FAM135A: variants seen among roughly 807,000 people sequenced by gnomAD.
FAM135A encodes the protein family with sequence similarity 135 member A.
FAM135A carries 79 observed loss-of-function variants against 146.8 expected under a neutral mutation model. That is an observed-to-expected ratio of 0.54 (90% CI 0.45 to 0.65). FAM135A has a LOEUF of 0.65. Ranked by LOEUF, FAM135A falls within the 30% of genes least tolerant of loss-of-function variation. The probability of loss-of-function intolerance (pLI) is 0.00; values close to 1 mark genes in which losing one functional copy is unlikely to be tolerated. For missense variants in FAM135A, 1,623 were observed against 1,758.2 expected, an observed-to-expected ratio of 0.92 and a Z score of 1.38; for synonymous variants, 562 against 603.6, an observed-to-expected ratio of 0.93 and a Z score of 1.01.
chr6:70,473,467 ACT>A (rs1782002154), intron 5 of FAM135A, among the ~76,000 whole-genome samples: 1 of 151,980 alleles, frequency 6.6e-6, no homozygotes, highest in Non-Finnish European at 1.5e-5. Flanking sequence ...TCATATCAGT[ACT>A]CTCAGTTTCA....
At chr6:70,433,811 G>A (rs1007804211) in intron 4 of FAM135A, among the ~76,000 whole-genome samples, 1 of 152,144 alleles carries the variant, frequency 6.6e-6, no homozygotes, top group African/African-American at 2.4e-5. Flanking sequence ...TAAAAAATCT[G>A]TGCTTGCCTT....
chr6:70,475,859 G>A (rs1455811939), intron 7 of FAM135A, 126 bp downstream of exon 7: 16 of 729,360 alleles, frequency 2.2e-5, no homozygotes, highest in Non-Finnish European at 3.3e-5. Flanking sequence ...TGTGTTTTCT[G>A]GGGAAACTTC....
chr6:70,476,797 A>T (rs868760359), intron 7 of FAM135A, among the ~76,000 whole-genome samples: 16 of 152,230 alleles, frequency 1.1e-4, no homozygotes, highest in South Asian at 4.1e-4. Flanking sequence ...GGGATTTATT[A>T]TAATAGTATT....
chr6:70,502,307 C>G (rs528742487), intron 11 of FAM135A, among the ~76,000 whole-genome samples: 7 of 152,174 alleles, frequency 4.6e-5, no homozygotes, highest in African/African-American at 7.2e-5. Context: ...GTTTAAAATT[C>G]CCAGTATTTT....
intron 4 of FAM135A, among the ~76,000 whole-genome samples, chr6:70,452,086 C>T (rs974903117): frequency 6.6e-6 from 1 of 151,038 alleles, no homozygotes; most frequent in African/African-American, 2.4e-5. Context: ...TTATAGAATC[C>T]AGTTTTTAAA....
intron 8 of FAM135A, among the ~76,000 whole-genome samples, chr6:70,480,217 A>G (rs1172265217): frequency 6.6e-6 from 1 of 152,098 alleles, no homozygotes; most frequent in Admixed American, 6.6e-5. Context: ...ATAGTATGTA[A>G]TTGATGGTGC....
Position 70,466,515 on chromosome 6 carries a change from G to A in FAM135A, c.158-8895G>A, listed in dbSNP as rs141384759. On this transcript the variant is annotated intron_variant, in intron 5 of 21. Coordinates refer to ENST00000418814, the MANE Select transcript of FAM135A (RefSeq NM_001162529.3). ...GAACAGAGTCTCTGGGTTATGGTATGCTTCTTTATACCTGAAAGGTTTTAA... is the reference window on the plus strand; with the variant it reads ...GAACAGAGTCTCTGGGTTATGGTATACTTCTTTATACCTGAAAGGTTTTAA... Among the ~76,000 whole-genome samples the A allele has an allele frequency of 3.7e-3, 564 of 152,302 alleles. 3 individuals carry two copies. The highest frequency in any genetic ancestry group is 0.013 in the African/African-American group (531 of 41,564).
At chr6:70,504,495 G>A (rs1410811839) in intron 12 of FAM135A, 1 of 152,126 alleles carries the variant, frequency 6.6e-6, no homozygotes, top group Non-Finnish European at 1.5e-5. Flanking sequence ...CATGGACATA[G>A]CCATTTTTGG....
intron 16 of FAM135A, among the ~76,000 whole-genome samples, chr6:70,530,072 A>AT (rs1795519210): frequency 6.6e-6 from 1 of 152,154 alleles, no homozygotes; most frequent in African/African-American, 2.4e-5. Context: ...TCAAAAAAAA[A>AT]AATAATAATA....
chr6:70,539,995 CA>C (rs1301088334), intron 20 of FAM135A, among the ~76,000 whole-genome samples: 1 of 151,362 alleles, frequency 6.6e-6, no homozygotes, highest in African/African-American at 2.4e-5. Flanking sequence ...GACTCCGTCT[CA>C]AAAAAAAGAA....
At chr6:70,457,316 G>A (rs924268367) in intron 5 of FAM135A, among the ~76,000 whole-genome samples, 7 of 152,182 alleles carry the variant, frequency 4.6e-5, no homozygotes, top group African/African-American at 1.7e-4. Context: ...ATTTGATAGT[G>A]ACAGGGTGGT....
intron 4 of FAM135A, among the ~76,000 whole-genome samples, chr6:70,451,091 T>C (rs1018238601): frequency 5.9e-5 from 9 of 152,116 alleles, no homozygotes; most frequent in Non-Finnish European, 1.3e-4. Flanking sequence ...GAGTATTTTG[T>C]GGTCCCATAC....
chr6:70,538,696 T>A (rs1430490771), intron 20 of FAM135A, among the ~76,000 whole-genome samples: 1 of 151,700 alleles, frequency 6.6e-6, no homozygotes, highest in Admixed American at 6.6e-5. Context: ...GTCTATGTTT[T>A]TAGACCATGT....
At chr6:70,478,373 T>G (rs989068178) in intron 8 of FAM135A, among the ~76,000 whole-genome samples, 14 of 152,178 alleles carry the variant, frequency 9.2e-5, no homozygotes, top group African/African-American at 2.9e-4. Flanking sequence ...GTCTCCAATT[T>G]TATTTGATTT....
chr6:70,447,468 G>A (rs920221123), intron 4 of FAM135A, among the ~76,000 whole-genome samples: 9 of 152,146 alleles, frequency 5.9e-5, no homozygotes, highest in African/African-American at 9.7e-5. Context: ...TAATCCTGTC[G>A]TCCCCGCTGG....
At chr6:70,542,277 C>CACACACACACACACA (rs35407465) in intron 20 of FAM135A, among the ~76,000 whole-genome samples, 5 of 146,856 alleles carry the variant, frequency 3.4e-5, no homozygotes, top group African/African-American at 8.0e-5. Flanking sequence ...CACACACACA[C>CACACACACACACACA]CCTTTGCTGT....
intron 2 of FAM135A, among the ~76,000 whole-genome samples, chr6:70,422,751 G>A (rs1394516399): frequency 6.6e-6 from 1 of 152,108 alleles, no homozygotes; most frequent in Non-Finnish European, 1.5e-5. Context: ...AGTAATAATA[G>A]TTACTATTTA....
At position 70,426,381 on chromosome 6, in the gene FAM135A, A is replaced by C. The variant is rs557088399; in HGVS notation, c.-133-58A>C. 8 of 152,330 alleles carry C rather than the reference A, an allele frequency of 5.3e-5. No homozygotes were observed. The South Asian group carries it at 1.5e-3, about 28-fold the overall frequency. 9.4% of individuals were successfully genotyped at this position (152,330 alleles called of 1,614,324 possible). ...TAACTAACAAAACATAGGTTTCCTTAAGACAGACTTTTTTATGTCTACTAT... is the reference window on the plus strand; with the variant it reads ...TAACTAACAAAACATAGGTTTCCTTCAGACAGACTTTTTTATGTCTACTAT... On this transcript the variant is annotated intron_variant, in intron 2 of 21. Transcript: ENST00000418814.
chr6:70,532,809 G>A (rs1010016036), intron 16 of FAM135A, among the ~76,000 whole-genome samples: 1 of 152,160 alleles, frequency 6.6e-6, no homozygotes, highest in Non-Finnish European at 1.5e-5. Context: ...GGATGCACCT[G>A]TAGTCCCAGC....
Sources: gnomAD v4.1 joint callset for allele counts (sites outside exome capture counted in the v4.1 genomes callset) on GRCh38, gnomAD v4.1.1 for gene constraint, MANE v1.5 for transcripts, NCBI Gene and HGNC (gene_info 2026-07-23, HGNC 2026-07-21) for gene names.